IRS2: variants seen among roughly 807,000 people sequenced by gnomAD.
IRS2 encodes insulin receptor substrate 2.
Under a neutral mutation model 70.9 loss-of-function variants are expected in IRS2, and 28 were observed. The observed-to-expected ratio is 0.39, with a 90% CI of 0.29 to 0.54. IRS2 has a LOEUF of 0.54. Among genes scored for constraint, IRS2 ranks in the 20% least tolerant of loss-of-function variants. The pLI is 0.59. For missense variants in IRS2, 2,081 were observed against 2,024.1 expected (o/e 1.03, Z -0.54); for synonymous variants, 1,217 against 981.9 (o/e 1.24, Z -4.48).
At chr13:109,780,541 A>T (rs1157796660) in intron 1 of IRS2, among the ~76,000 whole-genome samples, 1 of 152,238 alleles carries the variant, frequency 6.6e-6, no homozygotes, top group African/African-American at 2.4e-5. Context: ...ATTACACTAG[A>T]ATAACAGGGA....
At chr13:109,775,175 G>C (rs963390361) in intron 1 of IRS2, among the ~76,000 whole-genome samples, 1 of 140,946 alleles carries the variant, frequency 7.1e-6, no homozygotes, top group South Asian at 2.2e-4. Flanking sequence ...CTGGAGTACA[G>C]TGTCGCGATC....
Position 109,784,981 on chromosome 13 carries a change from G to A in IRS2, c.1073C>T (p.Ser358Leu). 7.3e-7 allele frequency: 1 copy of A among 1,365,868 alleles called. No homozygotes were observed. Among genetic ancestry groups the A allele is most frequent in the Non-Finnish European group, 9.4e-7 (1 of 1,064,670 alleles). 84.6% of individuals were successfully genotyped at this position (1,365,868 alleles called of 1,614,324 possible). Reference protein sequence around the residue: ...AATPPAAKCSSCRVRTASEGD... With the variant: ...AATPPAAKCSLCRVRTASEGD... ...CTCGCTGGCGGTGCGCACCCGGCAC[G>A]AGCTGCACTTGGCCGCCGGCGGGGT... The change falls in exon 1 of 2, where the codon TCG becomes TTG. Residue 358 changes from serine (S) to leucine (L), a missense_variant. By Grantham distance (145) the Ser-to-Leu change is moderately radical. Coordinates refer to ENST00000375856, the MANE Select transcript of IRS2 (RefSeq NM_003749.3). This position sits in a 1 kb window ranked among gnomAD's most constrained non-coding sequence, Gnocchi z 5.2.
rs539076729 is a variant in IRS2 at position 109,763,425 on chromosome 13, T to C, written c.4013-7117A>G. On this transcript the variant is annotated intron_variant, in intron 1 of 1. Coordinates refer to ENST00000375856, the MANE Select transcript of IRS2 (RefSeq NM_003749.3). ...GGAATGAATTTCTCTTAGCTACCGC[T>C]ATTCTATTTGATTTTTCATGCATAA... Among the ~76,000 whole-genome samples, 4 of 146,124 alleles carry C rather than the reference T, an allele frequency of 2.7e-5. No individual in the cohort carries two copies. In the East Asian group the frequency reaches 7.7e-4, roughly 28 times the overall value.
At position 109,782,554 on chromosome 13, in the gene IRS2, T is replaced by C. The variant is rs1877742149; in HGVS notation, c.3500A>G (p.His1167Arg). 1 of 1,563,990 alleles carries C rather than the reference T, an allele frequency of 6.4e-7. No homozygotes were observed. The change falls in exon 1 of 2, where the codon CAC becomes CGC. Residue 1167 changes from histidine to arginine, a missense_variant. Around this residue, in one of 4 missense-constraint regions of IRS2, gnomAD observed 1,615 missense variants for 1,459.5 expected, o/e 1.11. Transcript: ENST00000375856. Reference sequence around the variant, plus strand: ...GGCCGAGTTGTGGCGCTTGGGGTTGTGGGCGAAGGACGGGGACACGGGGGT... The same window carrying C: ...GGCCGAGTTGTGGCGCTTGGGGTTGCGGGCGAAGGACGGGGACACGGGGGT... ...TVTPVSPSFAHNPKRHNSASV... is the reference protein window; with the variant it reads ...TVTPVSPSFARNPKRHNSASV...
chr13:109,779,967 A>G (rs1214410084), intron 1 of IRS2, among the ~76,000 whole-genome samples: 1 of 152,136 alleles, frequency 6.6e-6, no homozygotes, highest in Non-Finnish European at 1.5e-5. Flanking sequence ...AAAGGGCATT[A>G]TTTCCTATTT....
At chr13:109,776,038 A>G (rs928207789) in intron 1 of IRS2, among the ~76,000 whole-genome samples, 3 of 151,830 alleles carry the variant, frequency 2.0e-5, no homozygotes, top group Admixed American at 1.3e-4. Flanking sequence ...AGTCCCAGCT[A>G]CTCAGGAGGC....
chr13:109,761,234 A>G (rs1454716975), intron 1 of IRS2, among the ~76,000 whole-genome samples: 1 of 152,232 alleles, frequency 6.6e-6, no homozygotes, highest in Non-Finnish European at 1.5e-5. Context: ...GGTGAGCAAC[A>G]CTGGACCACC....
Position 109,782,952 on chromosome 13 carries a change from C to T in IRS2, c.3102G>A (p.Pro1034=). The T allele has an allele frequency of 1.4e-6, 2 of 1,422,234 alleles. No individual in the cohort carries two copies. The highest frequency in any genetic ancestry group is 1.5e-5 in the African/African-American group (1 of 64,738). The allele number at this position is 1,422,234 out of a possible 1,614,324, so 88.1% of individuals were successfully genotyped here. ...GGTACAGCTCCCCCGGGGCCGGCGG[C>T]GGTGGCGGCGGCTGCAGAGACGACG... is the stretch of plus-strand genomic sequence containing the variant. ...SPSSSLQPPP[P]PPAPGELYRL... is the part of the protein sequence containing the mutation. The change falls in exon 1 of 2, where the codon CCG becomes CCA. Residue 1034 remains proline, a synonymous_variant. Coordinates refer to ENST00000375856, the MANE Select transcript of IRS2 (RefSeq NM_003749.3).
intron 1 of IRS2, among the ~76,000 whole-genome samples, chr13:109,777,194 T>C (rs993428745): frequency 3.3e-5 from 5 of 152,134 alleles, no homozygotes; most frequent in African/African-American, 1.2e-4. Flanking sequence ...AGAATAAAGT[T>C]ACATTTTCCC....
chr13:109,761,438 G>A (rs1420193456), intron 1 of IRS2, among the ~76,000 whole-genome samples: 3 of 152,182 alleles, frequency 2.0e-5, no homozygotes, highest in Non-Finnish European at 2.9e-5. Flanking sequence ...TATCGTACAG[G>A]TACATCTCAG....
chr13:109,764,482 C>T (rs530313753), intron 1 of IRS2, among the ~76,000 whole-genome samples: 19 of 152,240 alleles, frequency 1.2e-4, no homozygotes, highest in African/African-American at 3.1e-4. Context: ...TAATTAATAC[C>T]AAAAATGCGT....
chr13:109,784,017 G>C lies in IRS2; in HGVS notation c.2037C>G (p.Ser679Arg), dbSNP rs1877825965. ...SCRSDDYMPM[S>R]PASVSAPKQI... ...GCTTGGGGGCGGACACGCTGGCGGGGCTCATGGGCATGTAGTCGTCGCTCC... is the reference window on the plus strand; with the variant it reads ...GCTTGGGGGCGGACACGCTGGCGGGCCTCATGGGCATGTAGTCGTCGCTCC... Residue 679 changes from serine to arginine, a missense_variant, in exon 1 of 2, where the codon AGC becomes AGG. Coordinates refer to ENST00000375856, the MANE Select transcript of IRS2 (RefSeq NM_003749.3). The surrounding 1 kb of genome is among the most constrained non-coding windows in gnomAD (Gnocchi z 5.2). The C allele has an allele frequency of 6.5e-7, 1 of 1,537,446 alleles. No individual in the cohort carries two copies. The highest frequency in any genetic ancestry group is 8.7e-7 in the Non-Finnish European group (1 of 1,146,560).
rs1177860599 is a variant in IRS2 at position 109,755,349 on chromosome 13, C to CT, written c.*954dup. On this transcript the variant is annotated 3_prime_UTR_variant, in exon 2 of 2. Coordinates refer to ENST00000375856, the MANE Select transcript of IRS2 (RefSeq NM_003749.3). ...GACCACCCTGGAATTGCTAGCACGC[C>CT]TACAGGGATTTTTGGTTACAGAAAG... 1.8e-5 allele frequency: 4 copies of CT among 227,510 alleles called. No homozygotes were observed. The highest frequency in any genetic ancestry group is 1.7e-4 in the Admixed American group (3 of 17,536). 14.1% of individuals were successfully genotyped at this position (227,510 alleles called of 1,614,324 possible).
chr13:109,779,651 TC>T (rs1047216276), intron 1 of IRS2, among the ~76,000 whole-genome samples: 2 of 152,150 alleles, frequency 1.3e-5, no homozygotes, highest in African/African-American at 4.8e-5. Flanking sequence ...GGCAGATATT[TC>T]TTTTTTTTTA....
At position 109,783,147 on chromosome 13, in the gene IRS2, G is replaced by A. The variant is rs1243340435; in HGVS notation, c.2907C>T (p.Ser969=). The A allele has an allele frequency of 7.3e-7, 1 of 1,378,974 alleles. No individual in the cohort carries two copies. Among genetic ancestry groups the A allele is most frequent in the Non-Finnish European group, 9.3e-7 (1 of 1,072,364 alleles). 85.4% of individuals were successfully genotyped at this position (1,378,974 alleles called of 1,614,324 possible). The change falls in exon 1 of 2, where the codon AGC becomes AGT. Residue 969 remains serine (S), a synonymous_variant. Transcript: ENST00000375856. ...AGTCGGAGAGCGGAGACCGCTGCCGGCTGTCGCTGCTGGTGCCCGGGGTGC... is the reference window on the plus strand; with the variant it reads ...AGTCGGAGAGCGGAGACCGCTGCCGACTGTCGCTGCTGGTGCCCGGGGTGC... ...GSGTPGTSSD[S]RQRSPLSDYM...
Position 109,785,087 on chromosome 13 carries a change from G to T in IRS2, c.967C>A (p.Arg323Ser). ...AGGTTGACCAGGTGGTGGTGGCGGCGCGCGCCGGGGACGCTGATGGGGTGC... is the reference window on the plus strand; with the variant it reads ...AGGTTGACCAGGTGGTGGTGGCGGCTCGCGCCGGGGACGCTGATGGGGTGC... ...ATHPISVPGARRHHHLVNLPP... is the reference protein window; with the variant it reads ...ATHPISVPGASRHHHLVNLPP... The change falls in exon 1 of 2, where the codon CGC (arginine) becomes AGC (serine). Residue 323 changes from arginine (R) to serine (S), a missense_variant. Physicochemically the swap from Arg to Ser is moderately radical, Grantham distance 110 (BLOSUM62 -1). Around this residue, in one of 4 missense-constraint regions of IRS2, gnomAD observed 111 missense variants for 133.1 expected, o/e 0.83. Transcript: ENST00000375856. The surrounding 1 kb of genome is among the most constrained non-coding windows in gnomAD (Gnocchi z 9.3). The T allele has an allele frequency of 6.3e-7, 1 of 1,580,672 alleles. No homozygotes were observed. Among genetic ancestry groups the T allele is most frequent in the Non-Finnish European group, 8.6e-7 (1 of 1,164,556 alleles).
At chr13:109,763,054 A>G (rs1877260538) in intron 1 of IRS2, among the ~76,000 whole-genome samples, 1 of 152,198 alleles carries the variant, frequency 6.6e-6, no homozygotes, top group Non-Finnish European at 1.5e-5. Flanking sequence ...CACCATAAGC[A>G]GAGTGGAGCA....
chr13:109,773,204 C>A (rs1176969623), intron 1 of IRS2, among the ~76,000 whole-genome samples: 2 of 151,422 alleles, frequency 1.3e-5, no homozygotes, highest in Non-Finnish European at 2.9e-5. Context: ...AAGAAAAAAA[C>A]AAGGGCTGTT....
intron 1 of IRS2, among the ~76,000 whole-genome samples, chr13:109,778,537 A>C (rs1242571643): frequency 2.0e-5 from 3 of 152,210 alleles, no homozygotes; most frequent in Non-Finnish European, 4.4e-5. Context: ...AGCACCCGCC[A>C]CAGCAAACAG....
Sources: allele counts gnomAD v4.1 joint callset (sites outside exome capture counted in the v4.1 genomes callset), GRCh38; gene constraint gnomAD v4.1.1; regional missense constraint gnomAD v4.1.1; non-coding constraint Gnocchi (gnomAD v3.1); transcripts MANE v1.5; gene names NCBI Gene and HGNC (gene_info 2026-07-23, HGNC 2026-07-21).